Variants in DPPA4 observed in about 807,000 individuals in gnomAD.
The protein encoded by DPPA4 is developmental pluripotency-associated protein 4.
DPPA4 carries 22 observed loss-of-function variants against 33.7 expected under a neutral mutation model. The ratio of observed to expected loss-of-function variants is 0.65; its 90% CI spans 0.47 to 0.93. The LOEUF is 0.93. Ranked by LOEUF, DPPA4 falls within the 40% of genes least tolerant of loss-of-function variation. The probability of loss-of-function intolerance (pLI) is 0.00; values close to 1 mark genes in which losing one functional copy is unlikely to be tolerated. For synonymous variants in DPPA4, 156 were observed against 132.3 expected (o/e 1.18, Z -1.23); for missense variants, 340 against 358.6 (o/e 0.95, Z 0.42).
At chr3:109,330,374 C>A in intron 5 of DPPA4, 150 bp downstream of exon 5, 3 of 821,146 alleles carry the variant, frequency 3.7e-6, no homozygotes, top group Non-Finnish European at 6.1e-6. Context: ...CAGGTCCTGC[C>A]CTAGACCTGC....
chr3:109,331,543 C>CAAAAAAAAAAAAAAAAAAAA (rs62827961), intron 4 of DPPA4, among the ~76,000 whole-genome samples, 191 bp downstream of exon 4: 2 of 71,470 alleles, frequency 2.8e-5, no homozygotes, highest in African/African-American at 5.6e-5. Flanking sequence ...GACTCTGTCT[C>CAAAAAAAAAAAAAAAAAAAA]AAAAAAAAAA....
intron 2 of DPPA4, among the ~76,000 whole-genome samples, chr3:109,332,680 T>C (rs891047811): frequency 6.6e-6 from 1 of 152,168 alleles, no homozygotes; most frequent in Non-Finnish European, 1.5e-5. Context: ...ATACCCTTAA[T>C]TCTGCCAGCC....
At chr3:109,330,321 A>AGG in intron 5 of DPPA4, 1 of 275,028 alleles carries the variant, frequency 3.6e-6, no homozygotes, top group African/African-American at 6.8e-5. Flanking sequence ...AAAAAAAAAA[A>AGG]AAAAAAAAAA....
At chr3:109,335,711 T>C (rs765776997) in intron 1 of DPPA4, among the ~76,000 whole-genome samples, 1 of 151,874 alleles carries the variant, frequency 6.6e-6, no homozygotes, top group Non-Finnish European at 1.5e-5. Context: ...ATTACAGGCG[T>C]GTGCCACTGT....
Position 109,330,947 on chromosome 3 carries a change from A to C in DPPA4, c.391-135T>G, listed in dbSNP as rs923466666. 8.2e-6 allele frequency: 7 copies of C among 855,504 alleles called. No homozygotes were observed. In the African/African-American group the frequency reaches 1.2e-4, roughly 15 times the overall value. 53.0% of individuals were successfully genotyped at this position (855,504 alleles called of 1,614,324 possible). Reference sequence around the variant, plus strand: ...CAAGAGATCTATTGTACAAGTTGGTAACTATACATAGTTAATAACAATGTA... The same window carrying C: ...CAAGAGATCTATTGTACAAGTTGGTCACTATACATAGTTAATAACAATGTA... On this transcript the variant is annotated intron_variant, in intron 4 of 6. Coordinates refer to ENST00000335658, the MANE Select transcript of DPPA4 (RefSeq NM_018189.4).
intron 1 of DPPA4, among the ~76,000 whole-genome samples, chr3:109,334,733 T>A (rs1708156617): frequency 6.6e-6 from 1 of 152,164 alleles, no homozygotes; most frequent in Admixed American, 6.6e-5. Flanking sequence ...TACCAGCCTC[T>A]TATCTCCTAT....
At chr3:109,333,820 G>A in intron 2 of DPPA4, 50 bp downstream of exon 2, 1 of 1,597,340 alleles carries the variant, frequency 6.3e-7, no homozygotes, top group Non-Finnish European at 8.5e-7. Context: ...AAATTCCTCT[G>A]GCTTCTAAGA....
chr3:109,330,139 T>C (rs1301120367), intron 5 of DPPA4: 5 of 258,096 alleles, frequency 1.9e-5, no homozygotes, highest in Admixed American at 5.1e-5. Flanking sequence ...CCATCTCTAC[T>C]AAAAAGACAA....
chr3:109,327,906 C>T lies in DPPA4; in HGVS notation c.*82G>A. On this transcript the variant is annotated 3_prime_UTR_variant, in exon 7 of 7. Transcript: ENST00000335658. Reference sequence around the variant, plus strand: ...TAAACAGGTGCAGAGGACCAGAGTTCACCTGTCAGCAGCACCGCAGAATCC... The same window carrying T: ...TAAACAGGTGCAGAGGACCAGAGTTTACCTGTCAGCAGCACCGCAGAATCC... 2.0e-6 allele frequency: 2 copies of T among 1,023,036 alleles called. No homozygotes were observed. Among genetic ancestry groups the T allele is most frequent in the Non-Finnish European group, 3.1e-6 (2 of 650,572 alleles). The allele number at this position is 1,023,036 out of a possible 1,614,324, so 63.4% of individuals were successfully genotyped here. A position where few individuals can be genotyped will look rare whatever the true frequency, so the allele number is the denominator to read the frequency against.
intron 4 of DPPA4, 56 bp from the exon 5 acceptor site, chr3:109,330,868 A>G: frequency 7.1e-7 from 1 of 1,412,852 alleles, no homozygotes; most frequent in Non-Finnish European, 9.2e-7. Flanking sequence ...TCTAACAAAA[A>G]TGGCCTAAGG....
At chr3:109,330,962 A>G in intron 4 of DPPA4, 150 bp from the exon 5 acceptor site, 1 of 792,748 alleles carries the variant, frequency 1.3e-6, no homozygotes, top group Non-Finnish European at 1.9e-6. Flanking sequence ...TACATAGTTA[A>G]TAACAATGTA....
chr3:109,337,449 T>G lies in DPPA4; in HGVS notation c.54+15A>C, dbSNP rs1480699877. 1 of 1,612,720 alleles carries G rather than the reference T, an allele frequency of 6.2e-7. No homozygotes were observed. Among genetic ancestry groups the G allele is most frequent in the Non-Finnish European group, 8.5e-7 (1 of 1,179,006 alleles). ...AAAGACAGACAGAAAACAAATCCAC[T>G]AAAACTGTACTGACCTCCTTGCCTT... is the stretch of plus-strand genomic sequence containing the variant. On this transcript the variant is annotated intron_variant, in intron 1 of 6. Coordinates refer to ENST00000335658, the MANE Select transcript of DPPA4 (RefSeq NM_018189.4).
At chr3:109,334,090 G>A in intron 1 of DPPA4, 97 bp from the exon 2 acceptor site, 1 of 1,319,080 alleles carries the variant, frequency 7.6e-7, no homozygotes, top group Non-Finnish European at 1.0e-6. Context: ...CACCAACGCA[G>A]TTACTGGACT....
intron 5 of DPPA4, chr3:109,329,889 G>A (rs1708022467): frequency 6.6e-6 from 1 of 152,604 alleles, no homozygotes; most frequent in Non-Finnish European, 1.5e-5. Context: ...TTGCTTAAAG[G>A]GTAAAGAAAG....
intron 1 of DPPA4, among the ~76,000 whole-genome samples, chr3:109,336,611 A>G (rs1303570792): frequency 1.3e-5 from 2 of 152,198 alleles, no homozygotes; most frequent in East Asian, 3.9e-4. Flanking sequence ...CAGCTCAATT[A>G]CCTCTTCCTA....
In DPPA4 at chr3:109,326,268, G is replaced by T. The variant is rs775607083; in HGVS notation, c.*1720C>A. ...AAGGACATTTCCAAATTAATAGAAAGGAAGGAAACAGAACAGAAACTTGAC... is the reference window on the plus strand; with the variant it reads ...AAGGACATTTCCAAATTAATAGAAATGAAGGAAACAGAACAGAAACTTGAC... On this transcript the variant is annotated 3_prime_UTR_variant, in exon 7 of 7. Coordinates refer to ENST00000335658, the MANE Select transcript of DPPA4 (RefSeq NM_018189.4). The T allele has an allele frequency of 1.5e-5, 2 of 135,760 alleles. No homozygotes were observed. Among genetic ancestry groups the T allele is most frequent in the Non-Finnish European group, 2.9e-5 (2 of 67,804 alleles). 8.4% of individuals were successfully genotyped at this position (135,760 alleles called of 1,614,324 possible).
Position 109,330,794 on chromosome 3 carries a change from T to C in DPPA4, c.409A>G (p.Lys137Glu). The change falls in exon 5 of 7, where the codon AAA (lysine) becomes GAA (glutamate). Residue 137 changes from lysine (K) to glutamate (E), a missense_variant. Lys to Glu is a moderately conservative substitution (Grantham distance 56). Coordinates refer to ENST00000335658, the MANE Select transcript of DPPA4 (RefSeq NM_018189.4). ...PNQKDFPSTA[K>E]EAKIRKSLQK... ...AATGATTTCCGGATTTTGGCCTCTT[T>C]TGCTGTGCTAGGAAAATCCTACAAA... The C allele has an allele frequency of 6.2e-7, 1 of 1,611,848 alleles. No individual in the cohort carries two copies. The highest frequency in any genetic ancestry group is 8.5e-7 in the Non-Finnish European group (1 of 1,179,234).
At chr3:109,339,490 G>A (rs1708272382), upstream of DPPA4, among the ~76,000 whole-genome samples, 1 of 152,172 alleles carries the variant, frequency 6.6e-6, no homozygotes, top group East Asian at 2.0e-4. Context: ...AGAGCAGGGC[G>A]TGGTGGCTCA....
At chr3:109,333,191 A>G (rs1179622013) in intron 2 of DPPA4, among the ~76,000 whole-genome samples, 1 of 151,778 alleles carries the variant, frequency 6.6e-6, no homozygotes, top group Non-Finnish European at 1.5e-5. Flanking sequence ...AAATACAAAA[A>G]TCAGCCAGGC....
Sources: allele counts gnomAD v4.1 joint callset (sites outside exome capture counted in the v4.1 genomes callset), GRCh38; gene constraint gnomAD v4.1.1; transcripts MANE v1.5; gene names NCBI Gene and HGNC (gene_info 2026-07-23, HGNC 2026-07-21).